The following AHI1 variants were observed in gnomAD, a reference collection of about 807,000 sequenced individuals.
AHI1 encodes the protein Abelson helper integration site 1.
AHI1 carries 123 observed loss-of-function variants against 149.3 expected under a neutral mutation model. That is an observed-to-expected ratio of 0.82 (90% CI 0.71 to 0.96). The LOEUF is 0.96. AHI1 is among the 40% of genes least tolerant of loss of function. The pLI, the probability that AHI1 is intolerant of heterozygous loss-of-function variation, is 0.00. For missense variants in AHI1, 1,439 were observed against 1,422.7 expected (o/e 1.01, Z -0.18); for synonymous variants, 475 against 459.8 (o/e 1.03, Z -0.42).
chr6:135,471,974 T>TGCAGTCC (rs1791782355), intron 5 of AHI1, among the ~76,000 whole-genome samples: 2 of 117,702 alleles, frequency 1.7e-5, no homozygotes, highest in African/African-American at 6.4e-5. Flanking sequence ...ATTGCGCCAC[T>TGCAGTCC]GCAGTCCGCA....
intron 26 of AHI1, among the ~76,000 whole-genome samples, chr6:135,310,214 A>C (rs964686468): frequency 6.6e-6 from 1 of 152,230 alleles, no homozygotes; most frequent in Admixed American, 6.5e-5. Context: ...ATTCAGATTC[A>C]TTCCTGGTAC....
chr6:135,291,405 T>G lies in AHI1; in HGVS notation c.3486-880A>C, dbSNP rs140016939. On this transcript the variant is annotated intron_variant, in intron 27 of 28. Coordinates refer to ENST00000265602, the MANE Select transcript of AHI1 (RefSeq NM_001134831.2). ...GTTAAATGGGGTCAGAAGAGTGGGG[T>G]TCTAATCTAATAAGACTAGAGTCCT... is the stretch of plus-strand genomic sequence containing the variant. Among the ~76,000 whole-genome samples, 82 of 152,140 alleles carry G rather than the reference T, an allele frequency of 5.4e-4. 1 individual carries two copies. The East Asian group carries it at 0.013, about 24-fold the overall frequency.
chr6:135,383,226 C>CTT lies in AHI1; in HGVS notation c.3109+11548_3109+11549dup, dbSNP rs764546253. ...GATTGATTCCTTCCTTCCCCCCTCCCTTTTTTTTTTTTTTTTTTTTTGAGA... is the reference window on the plus strand; with the variant it reads ...GATTGATTCCTTCCTTCCCCCCTCCCTTTTTTTTTTTTTTTTTTTTTTTGAGA... On this transcript the variant is annotated intron_variant, in intron 23 of 28. Transcript: ENST00000265602. 6.5e-4 allele frequency among the ~76,000 whole-genome samples: 50 copies of CTT among 76,864 alleles called. 5 individuals are homozygous for CTT. Among genetic ancestry groups the CTT allele is most frequent in the African/African-American group, 1.5e-3 (23 of 15,036 alleles). The allele number at this position is 76,864 out of a possible 152,430, so 50.4% of individuals were successfully genotyped here. A position where few individuals can be genotyped will look rare whatever the true frequency, so the allele number is the denominator to read the frequency against.
At chr6:135,495,408 TTC>T (rs1795827032) in intron 3 of AHI1, 1 of 152,236 alleles carries the variant, frequency 6.6e-6, no homozygotes, top group Non-Finnish European at 1.5e-5. Context: ...GTGTGCCAAG[TTC>T]TCTCTTGCTT....
At chr6:135,482,893 G>GTTTTTTTTTTTTT (rs1491384083) in intron 5 of AHI1, among the ~76,000 whole-genome samples, 2 of 5,790 alleles carry the variant, frequency 3.5e-4, no homozygotes, top group South Asian at 8.6e-3. Context: ...TCCATTTAAG[G>GTTTTTTTTTTTTT]CTTTTTTTTT....
intron 26 of AHI1, among the ~76,000 whole-genome samples, chr6:135,314,271 G>C (rs959839241): frequency 6.6e-6 from 1 of 152,160 alleles, no homozygotes; most frequent in Admixed American, 6.6e-5. Context: ...TATAATGAGA[G>C]ACACAAAAAA....
intron 20 of AHI1, among the ~76,000 whole-genome samples, chr6:135,413,644 A>G (rs949700552): frequency 2.0e-5 from 3 of 152,166 alleles, no homozygotes; most frequent in Non-Finnish European, 4.4e-5. Context: ...ATAAGGCACT[A>G]GAATTGACTT....
At chr6:135,475,928 T>G (rs569864007) in intron 5 of AHI1, among the ~76,000 whole-genome samples, 1 of 152,334 alleles carries the variant, frequency 6.6e-6, no homozygotes, top group African/African-American at 2.4e-5. Flanking sequence ...TTATTACTCT[T>G]TTAAAAAATT....
At chr6:135,431,424 G>A in intron 16 of AHI1, 110 bp from the exon 17 acceptor site, 1 of 560,922 alleles carries the variant, frequency 1.8e-6, no homozygotes, top group Non-Finnish European at 2.9e-6. Flanking sequence ...AGAATTGAAG[G>A]GCTATTAAAA....
intron 9 of AHI1, among the ~76,000 whole-genome samples, chr6:135,456,820 A>G (rs1280585491): frequency 6.6e-6 from 1 of 152,202 alleles, no homozygotes; most frequent in Non-Finnish European, 1.5e-5. Context: ...TTCAAGATTC[A>G]TTTACCTTAC....
chr6:135,290,372 A>G, intron 28 of AHI1, 51 bp downstream of exon 28: 1 of 1,096,260 alleles, frequency 9.1e-7, no homozygotes, highest in South Asian at 1.3e-5. Flanking sequence ...GCTTTCCTAA[A>G]TCTTTTCCTG....
At chr6:135,338,946 G>T (rs1182077906) in intron 24 of AHI1, among the ~76,000 whole-genome samples, 11 of 142,508 alleles carry the variant, frequency 7.7e-5, no homozygotes, top group Admixed American at 6.4e-4. Flanking sequence ...TTTTTTTTGA[G>T]ACCCAGAGTC....
Position 135,283,728 on chromosome 6 carries a change from C to T in AHI1, c.*1917G>A, listed in dbSNP as rs1239790842. On this transcript the variant is annotated 3_prime_UTR_variant, in exon 29 of 29. Coordinates refer to ENST00000265602, the MANE Select transcript of AHI1 (RefSeq NM_001134831.2). ...GAACATAACCCTAGTCTTACTTTGT[C>T]AGCGAGACAAAGGGGAAAAGGACTG... The T allele has an allele frequency of 6.6e-6, 1 of 152,132 alleles. No homozygotes were observed. The highest frequency in any genetic ancestry group is 1.5e-5 in the Non-Finnish European group (1 of 68,020). 9.4% of individuals were successfully genotyped at this position (152,132 alleles called of 1,614,324 possible).
chr6:135,309,674 GT>G (rs1784929928), intron 26 of AHI1, among the ~76,000 whole-genome samples: 1 of 152,024 alleles, frequency 6.6e-6, no homozygotes, highest in Non-Finnish European at 1.5e-5. Flanking sequence ...AGAAACGGGG[GT>G]TTCTCCATGT....
At chr6:135,485,956 T>C (rs1794412318) in intron 5 of AHI1, among the ~76,000 whole-genome samples, 1 of 152,200 alleles carries the variant, frequency 6.6e-6, no homozygotes, top group Non-Finnish European at 1.5e-5. Context: ...ATTAGTTATA[T>C]GATCCTGGGT....
At chr6:135,376,812 G>A (rs1775987310) in intron 23 of AHI1, among the ~76,000 whole-genome samples, 2 of 135,658 alleles carry the variant, frequency 1.5e-5, no homozygotes, top group South Asian at 2.5e-4. Context: ...AACCCGGGAG[G>A]CAAAGGTTGC....
chr6:135,424,401 TAAC>T (rs1364530023), intron 20 of AHI1, among the ~76,000 whole-genome samples: 5 of 152,036 alleles, frequency 3.3e-5, no homozygotes, highest in African/African-American at 1.2e-4. Context: ...TATTGATTAA[TAAC>T]AACACATTAA....
intron 26 of AHI1, among the ~76,000 whole-genome samples, chr6:135,317,204 C>T (rs1786086986): frequency 6.6e-6 from 1 of 151,888 alleles, no homozygotes; most frequent in African/African-American, 2.4e-5. Context: ...CTAGAATGAC[C>T]TTTCTAACAT....
At chr6:135,444,197 A>G (rs1434751061) in intron 13 of AHI1, among the ~76,000 whole-genome samples, 1 of 152,150 alleles carries the variant, frequency 6.6e-6, no homozygotes, top group Non-Finnish European at 1.5e-5. Context: ...CACCTCACAC[A>G]TCAATGACTG....
Sources: gnomAD v4.1 joint callset for allele counts (sites outside exome capture counted in the v4.1 genomes callset) on GRCh38, gnomAD v4.1.1 for gene constraint, MANE v1.5 for transcripts, NCBI Gene and HGNC (gene_info 2026-07-23, HGNC 2026-07-21) for gene names.